Variants in FAM186A observed in about 807,000 individuals in gnomAD.
The protein encoded by FAM186A is protein FAM186A.
Under a neutral mutation model 216.8 loss-of-function variants are expected in FAM186A, and 163 were observed. The observed-to-expected ratio is 0.75, with a 90% CI of 0.66 to 0.86. The LOEUF (loss-of-function observed/expected upper bound fraction) is 0.86, where lower values mean the gene tolerates loss of function less well. Ranked by LOEUF, FAM186A falls within the 40% of genes least tolerant of loss-of-function variation. FAM186A has a pLI of 0.00. For missense variants in FAM186A, 2,184 were observed against 2,746.2 expected (o/e 0.80, Z 4.58); for synonymous variants, 805 against 1,025.3 (o/e 0.79, Z 4.10).
At chr12:50,374,529 G>A (rs879495436) in intron 1 of FAM186A, among the ~76,000 whole-genome samples, 3 of 151,986 alleles carry the variant, frequency 2.0e-5, no homozygotes, top group Admixed American at 6.6e-5. Flanking sequence ...CTATGTCAAC[G>A]GATTAAAGAA....
chr12:50,388,667 C>T (rs908243111), intron 1 of FAM186A, among the ~76,000 whole-genome samples: 1 of 151,212 alleles, frequency 6.6e-6, no homozygotes, highest in Non-Finnish European at 1.5e-5. Flanking sequence ...AACTAAGTGA[C>T]AGTTGACAGT....
intron 1 of FAM186A, among the ~76,000 whole-genome samples, chr12:50,390,785 G>A (rs1943349718): frequency 1.3e-5 from 2 of 152,064 alleles, no homozygotes; most frequent in Non-Finnish European, 2.9e-5. Flanking sequence ...TTGGTGAAAG[G>A]GCCTAGCACA....
chr12:50,351,641 T>A lies in FAM186A; in HGVS notation c.5191A>T (p.Arg1731Ter), dbSNP rs552002931. The change falls in exon 4 of 8, where the codon AGA (arginine) becomes TGA (stop). Residue 1731 changes from arginine to a stop codon, truncating the protein, a stop_gained. Transcript: ENST00000327337. LOFTEE classifies it high-confidence loss of function. ...GACAGCCTAAGACTTGGAGACAATCTTGATATGATGGATTGCCCAGTGGGG... is the reference window on the plus strand; with the variant it reads ...GACAGCCTAAGACTTGGAGACAATCATGATATGATGGATTGCCCAGTGGGG... ...SLPTGQSIISRLSPSLRLSLA... is the reference protein window; with the variant it reads ...SLPTGQSIIS 6.4e-7 allele frequency: 1 copy of A among 1,551,436 alleles called. No homozygotes were observed. The highest frequency in any genetic ancestry group is 2.4e-5 in the East Asian group (1 of 40,938).
chr12:50,346,540 A>G (rs1459224065), intron 4 of FAM186A, among the ~76,000 whole-genome samples: 2 of 152,096 alleles, frequency 1.3e-5, no homozygotes, highest in Non-Finnish European at 2.9e-5. Context: ...TATCTGTTTT[A>G]TACATTTATT....
chr12:50,388,382 C>T (rs1171763723), intron 1 of FAM186A, among the ~76,000 whole-genome samples: 3 of 152,122 alleles, frequency 2.0e-5, no homozygotes, highest in Admixed American at 1.3e-4. Flanking sequence ...CTTTGGGAGG[C>T]AGAGGCGGGA....
chr12:50,386,951 A>C, intron 1 of FAM186A, among the ~76,000 whole-genome samples: 1 of 150,922 alleles, frequency 6.6e-6, no homozygotes, highest in East Asian at 1.9e-4. Context: ...TTTTTTTTCT[A>C]TTCTATTTTT....
rs147995569 is a variant in FAM186A at position 50,391,375 on chromosome 12, G to A, written c.192+4918C>T. ...CTGTCACCCAGGCTGGAGTGCAGTG[G>A]CGCGATCTTGGCTCACTGCAACCTC... On this transcript the variant is annotated intron_variant, in intron 1 of 7. Coordinates refer to ENST00000327337, the MANE Select transcript of FAM186A (RefSeq NM_001145475.3). Among the ~76,000 whole-genome samples the A allele has an allele frequency of 9.0e-3, 1,361 of 151,488 alleles. 17 individuals carry two copies. The highest frequency in any genetic ancestry group is 0.031 in the African/African-American group (1,272 of 41,276).
intron 1 of FAM186A, among the ~76,000 whole-genome samples, chr12:50,395,280 G>A (rs1943402641): frequency 6.6e-6 from 1 of 151,872 alleles, no homozygotes; most frequent in Non-Finnish European, 1.5e-5. Flanking sequence ...GTAGACAGGA[G>A]GTCTCCTTAT....
intron 1 of FAM186A, among the ~76,000 whole-genome samples, chr12:50,367,952 C>G (rs1018328959): frequency 2.6e-5 from 4 of 152,136 alleles, no homozygotes; most frequent in Non-Finnish European, 4.4e-5. Flanking sequence ...TCAAGACCAG[C>G]CTGGCCAACA....
intron 6 of FAM186A, among the ~76,000 whole-genome samples, chr12:50,331,145 A>C (rs1207619576): frequency 6.6e-6 from 1 of 152,202 alleles, no homozygotes; most frequent in African/African-American, 2.4e-5. Context: ...TTAGTAAGAA[A>C]GAATCAGCTT....
At chr12:50,391,941 C>T (rs1055427559) in intron 1 of FAM186A, among the ~76,000 whole-genome samples, 2 of 152,062 alleles carry the variant, frequency 1.3e-5, no homozygotes, top group East Asian at 3.9e-4. Context: ...CATGCCATGC[C>T]ATGCCATGGA....
chr12:50,358,332 G>C (rs1942998072), intron 3 of FAM186A, among the ~76,000 whole-genome samples: 1 of 152,096 alleles, frequency 6.6e-6, no homozygotes, highest in Admixed American at 6.6e-5. Context: ...TATAATCCCA[G>C]AACTTTGGGA....
At chr12:50,383,278 A>AAGAGAGAG (rs750922300) in intron 1 of FAM186A, among the ~76,000 whole-genome samples, 25 of 49,248 alleles carry the variant, frequency 5.1e-4, no homozygotes, top group East Asian at 6.2e-4. Flanking sequence ...AAAAAAAAAA[A>AAGAGAGAG]AGAGAGAGAG....
At chr12:50,342,478 T>A (rs988183538) in intron 4 of FAM186A, among the ~76,000 whole-genome samples, 29 of 150,420 alleles carry the variant, frequency 1.9e-4, no homozygotes, top group Admixed American at 4.7e-4. Context: ...TTTTATTTTT[T>A]AAAATTTTTT....
At position 50,351,581 on chromosome 12, in the gene FAM186A, A is replaced by C. The variant is rs889066786; in HGVS notation, c.5251T>G (p.Ser1751Ala). 6.4e-7 allele frequency: 1 copy of C among 1,550,920 alleles called. No individual in the cohort carries two copies. The highest frequency in any genetic ancestry group is 1.4e-5 in the African/African-American group (1 of 73,010). Residue 1751 changes from serine (S) to alanine (A), a missense_variant, in exon 4 of 8, where the codon TCT (serine) becomes GCT (alanine). Coordinates refer to ENST00000327337, the MANE Select transcript of FAM186A (RefSeq NM_001145475.3). ...ASSAPTAEKS[S>A]IFGVSSTPLQ... is the part of the protein sequence containing the mutation. ...GGAGTAGAAGAGACCCCGAATATAG[A>C]GGACTTCTCAGCAGTAGGAGCTGAT...
intron 1 of FAM186A, among the ~76,000 whole-genome samples, chr12:50,378,637 C>T (rs1943224523): frequency 7.3e-6 from 1 of 136,590 alleles, no homozygotes; most frequent in African/African-American, 2.9e-5. Context: ...TATATATACA[C>T]ATACATATAT....
chr12:50,347,948 C>G (rs549989545), intron 4 of FAM186A, among the ~76,000 whole-genome samples: 5 of 151,854 alleles, frequency 3.3e-5, no homozygotes, highest in African/African-American at 7.2e-5. Flanking sequence ...TCTTGCCTCA[C>G]TGCAACCTCT....
At chr12:50,390,773 T>C (rs113523592) in intron 1 of FAM186A, among the ~76,000 whole-genome samples, 1 of 152,132 alleles carries the variant, frequency 6.6e-6, no homozygotes, top group Non-Finnish European at 1.5e-5. Context: ...TTTCTCATAC[T>C]ATTGGTGAAA....
rs566229270 is a variant in FAM186A at position 50,351,578 on chromosome 12, T to C, written c.5254A>G (p.Ile1752Val). 21 of 1,550,904 alleles carry C rather than the reference T, an allele frequency of 1.4e-5. No individual in the cohort carries two copies. Among genetic ancestry groups the C allele is most frequent in the East Asian group, 2.4e-5 (1 of 40,920 alleles). ...SSAPTAEKSS[I>V]FGVSSTPLQI... ...AAAGGAGTAGAAGAGACCCCGAATA[T>C]AGAGGACTTCTCAGCAGTAGGAGCT... Residue 1752 changes from isoleucine (I) to valine (V), a missense_variant, in exon 4 of 8, where the codon ATA becomes GTA. Physicochemically the swap from Ile to Val is conservative, Grantham distance 29. Transcript: ENST00000327337.
Sources: gnomAD v4.1 joint callset for allele counts (sites outside exome capture counted in the v4.1 genomes callset) on GRCh38, gnomAD v4.1.1 for gene constraint, MANE v1.5 for transcripts, NCBI Gene and HGNC (gene_info 2026-07-23, HGNC 2026-07-21) for gene names.